Variants in DPF1 observed in about 807,000 individuals in gnomAD.
DPF1 encodes the protein double PHD fingers 1.
DPF1 carries 14 observed loss-of-function variants against 58.7 expected under a neutral mutation model. That is an observed-to-expected ratio of 0.24 (90% CI 0.16 to 0.37). DPF1 has a LOEUF of 0.37. DPF1 is among the 10% of genes least tolerant of loss of function. The pLI is 1.00. For missense variants in DPF1, 345 were observed against 529.9 expected (o/e 0.65, Z 3.43); for synonymous variants, 216 against 216.0 (o/e 1.00, Z 0.00).
chr19:38,213,776 G>A lies in DPF1; in HGVS notation c.899-20C>T. ...GGTGTCCTGGGGGCCAAGGGGCAGG[G>A]GTGCAGTTAGGAGGTCACCGTGCCC... On this transcript the variant is annotated intron_variant, in intron 9 of 11. Transcript: ENST00000355526. 6.2e-7 allele frequency: 1 copy of A among 1,605,384 alleles called. No homozygotes were observed. The highest frequency in any genetic ancestry group is 8.5e-7 in the Non-Finnish European group (1 of 1,173,036).
At chr19:38,224,698 C>T (rs1967741955), upstream of DPF1, among the ~76,000 whole-genome samples, 1 of 152,120 alleles carries the variant, frequency 6.6e-6, no homozygotes, top group South Asian at 2.1e-4. This position sits in a 1 kb window ranked among gnomAD's most constrained non-coding sequence, Gnocchi z 4.5. Flanking sequence ...CCACCCGGGG[C>T]TGTCTCTCCC....
rs1477545932 is a variant in DPF1, at chr19:38,213,664, A to G, written c.991T>C (p.Cys331Arg). 6.2e-7 allele frequency: 1 copy of G among 1,613,626 alleles called. No homozygotes were observed. ...QCIECKSCSL[C>R]GTSENDDQLL... ...CTCACGTCGTTCTCGGAGGTTCCGC[A>G]CAGGCTGCAGGATTTGCACTCGATG... Residue 331 changes from cysteine to arginine, a missense_variant, in exon 10 of 12, where the codon TGC becomes CGC. Coordinates refer to ENST00000355526, the MANE Select transcript of DPF1 (RefSeq NM_001135155.3).
chr19:38,225,599 C>CAAAA (rs1230265742), upstream of DPF1, among the ~76,000 whole-genome samples: 2 of 150,810 alleles, frequency 1.3e-5, no homozygotes, highest in African/African-American at 2.4e-5. Flanking sequence ...AACAAACAAA[C>CAAAA]AAAAAACTAA....
At chr19:38,226,503 TACACACACAC>T (rs60328056), upstream of DPF1, among the ~76,000 whole-genome samples, 1 of 133,702 alleles carries the variant, frequency 7.5e-6, no homozygotes, top group Non-Finnish European at 1.6e-5. Flanking sequence ...CGGTCACTTC[TACACACACAC>T]ACACACACAC....
At chr19:38,217,633 G>C (rs1967129158) in intron 6 of DPF1, 42 bp from the exon 7 acceptor site, 14 of 1,529,590 alleles carry the variant, frequency 9.2e-6, no homozygotes, top group Non-Finnish European at 1.2e-5. Flanking sequence ...AGCCCCTCCG[G>C]GCCCCTGCCG....
In DPF1 at chr19:38,211,357, C is replaced by G. The variant is rs987475964; in HGVS notation, c.*706G>C. The G allele has an allele frequency of 6.6e-6, 1 of 152,306 alleles. No homozygotes were observed. Among genetic ancestry groups the G allele is most frequent in the South Asian group, 2.1e-4 (1 of 4,836 alleles). 9.4% of individuals were successfully genotyped at this position (152,306 alleles called of 1,614,324 possible). ...AGGCGCTGGGCGGGGGCCCACCCGG[C>G]CCCACCACCGCCACCCACCAGCCAC... On this transcript the variant is annotated 3_prime_UTR_variant, in exon 12 of 12. Transcript: ENST00000355526. This position sits in a 1 kb window ranked among gnomAD's most constrained non-coding sequence, Gnocchi z 4.0.
intron 7 of DPF1, 109 bp downstream of exon 7, chr19:38,217,351 C>G: frequency 7.1e-7 from 1 of 1,407,782 alleles, no homozygotes; most frequent in Non-Finnish European, 9.5e-7. Flanking sequence ...AACGGCTGAG[C>G]TGGAGATTTT....
Position 38,222,708 on chromosome 19 carries a change from G to A in DPF1, c.30C>T (p.Ser10=), listed in dbSNP as rs1231263875. 47 of 1,586,568 alleles carry A rather than the reference G, an allele frequency of 3.0e-5. No homozygotes were observed. Among genetic ancestry groups the A allele is most frequent in the Non-Finnish European group, 3.9e-5 (45 of 1,165,800 alleles). The change falls in exon 2 of 12, where the codon AGC becomes AGT. Residue 10 remains serine, a splice_region_variant and synonymous_variant. Coordinates refer to ENST00000355526, the MANE Select transcript of DPF1 (RefSeq NM_001135155.3). The surrounding 1 kb of genome is among the most constrained non-coding windows in gnomAD (Gnocchi z 4.9). ...CCTCGCGGTAGAAGTCCTCGCCTAG[G>A]CTAGAGGGGCGGCGAACGGGCGGGC... MATVIPGPL[S]LGEDFYREAI...
intron 3 of DPF1, among the ~76,000 whole-genome samples, chr19:38,220,302 G>GAA: frequency 1.0e-5 from 1 of 99,082 alleles, no homozygotes; most frequent in East Asian, 2.5e-4. Context: ...GAGAGAGAAA[G>GAA]AAAGAGAAAG....
chr19:38,218,642 A>C lies in DPF1; in HGVS notation c.447T>G (p.Phe149Leu), dbSNP rs1198147873. ...MDCQKQQLLE[F>L]PHDLEVEDLE... Reference sequence around the variant, plus strand: ...AGTCTTCCACCTCGAGGTCATGCGGAAACTCCAGCAACTGCTGTTTCTGGG... The same window carrying C: ...AGTCTTCCACCTCGAGGTCATGCGGCAACTCCAGCAACTGCTGTTTCTGGG... The change falls in exon 5 of 12, where the codon TTT (phenylalanine) becomes TTG (leucine). Residue 149 changes from phenylalanine to leucine, a missense_variant. Coordinates refer to ENST00000355526, the MANE Select transcript of DPF1 (RefSeq NM_001135155.3). The C allele has an allele frequency of 5.0e-6, 8 of 1,614,120 alleles. No homozygotes were observed. The highest frequency in any genetic ancestry group is 6.8e-6 in the Non-Finnish European group (8 of 1,180,048).
At chr19:38,223,940 C>A in intron 1 of DPF1, 174 bp downstream of exon 1, 1 of 868,042 alleles carries the variant, frequency 1.2e-6, no homozygotes, top group Non-Finnish European at 1.5e-6. Flanking sequence ...GCGGTGCATC[C>A]GACACCATTC....
chr19:38,212,961 G>A (rs1206663538), intron 10 of DPF1, among the ~76,000 whole-genome samples: 1 of 150,686 alleles, frequency 6.6e-6, no homozygotes, highest in Non-Finnish European at 1.5e-5. Flanking sequence ...AGCTCTGCCA[G>A]AAACGGTCAT....
chr19:38,214,149 G>A (rs1477702259), intron 9 of DPF1, among the ~76,000 whole-genome samples: 5 of 152,016 alleles, frequency 3.3e-5, no homozygotes, highest in Non-Finnish European at 7.4e-5. Flanking sequence ...CCACAGCAAC[G>A]TGGCAACCAC....
intron 4 of DPF1, 88 bp from the exon 5 acceptor site, chr19:38,218,750 G>T: frequency 6.4e-7 from 1 of 1,552,176 alleles, no homozygotes; most frequent in Non-Finnish European, 8.9e-7. Flanking sequence ...GAGATTGGGG[G>T]TGAGAGTATA....
chr19:38,213,580 G>A, intron 10 of DPF1, 64 bp downstream of exon 10: 2 of 1,428,208 alleles, frequency 1.4e-6, no homozygotes, highest in Non-Finnish European at 2.0e-6. Context: ...TAGGCTTAAG[G>A]GGCAGAGGTG....
At chr19:38,213,941 C>T (rs1201611816) in intron 9 of DPF1, 185 bp from the exon 10 acceptor site, 2 of 581,672 alleles carry the variant, frequency 3.4e-6, no homozygotes, top group East Asian at 5.6e-5. Context: ...CCCCGGCCAC[C>T]ACAGTCTCCT....
rs952691972 is a variant in DPF1 at position 38,222,280 on chromosome 19, G to A, written c.298+77C>T. 2.4e-6 allele frequency: 3 copies of A among 1,275,356 alleles called. No individual in the cohort carries two copies. Among genetic ancestry groups the A allele is most frequent in the Non-Finnish European group, 2.2e-6 (2 of 913,828 alleles). The allele number at this position is 1,275,356 out of a possible 1,614,324, so 79.0% of individuals were successfully genotyped here. On this transcript the variant is annotated intron_variant, in intron 3 of 11. Transcript: ENST00000355526. This position sits in a 1 kb window ranked among gnomAD's most constrained non-coding sequence, Gnocchi z 4.9. ...GCCAGGCAGACACTTGCTAGAAGGC[G>A]ATAAAGGTGATGGACGAGTGCTAGG...
At chr19:38,220,136 C>T (rs1157137185) in intron 3 of DPF1, among the ~76,000 whole-genome samples, 5 of 140,638 alleles carry the variant, frequency 3.6e-5, no homozygotes, top group Admixed American at 1.5e-4. Flanking sequence ...TGCAGTGAGC[C>T]GAGATCGTGC....
chr19:38,211,798 CGGGGT>C lies in DPF1; in HGVS notation c.*260_*264del. On this transcript the variant is annotated 3_prime_UTR_variant, in exon 12 of 12. Coordinates refer to ENST00000355526, the MANE Select transcript of DPF1 (RefSeq NM_001135155.3). This position sits in a 1 kb window ranked among gnomAD's most constrained non-coding sequence, Gnocchi z 4.0. Reference sequence around the variant, plus strand: ...ACCACCCCCCATGCCCGCCCAGAGGCGGGGTATGGCTTTGAGGGGAGAAGCCCCTG... The same window carrying C: ...ACCACCCCCCATGCCCGCCCAGAGGCATGGCTTTGAGGGGAGAAGCCCCTG... 1 of 490,508 alleles carries C rather than the reference CGGGGT, an allele frequency of 2.0e-6. No individual in the cohort carries two copies. Among genetic ancestry groups the C allele is most frequent in the African/African-American group, 2.1e-5 (1 of 47,118 alleles). 30.4% of individuals were successfully genotyped at this position (490,508 alleles called of 1,614,324 possible).
Sources: gnomAD v4.1 joint callset for allele counts (sites outside exome capture counted in the v4.1 genomes callset) on GRCh38, gnomAD v4.1.1 for gene constraint, Gnocchi (gnomAD v3.1) non-coding constraint, MANE v1.5 for transcripts, NCBI Gene and HGNC (gene_info 2026-07-23, HGNC 2026-07-21) for gene names.